Variants in MGAT4C observed in about 807,000 individuals in gnomAD.
The protein encoded by MGAT4C is MGAT4 family member C, also known as alpha-1,3-mannosyl-glycoprotein 4-beta-N-acetylglucosaminyltransferase C.
A neutral mutation model predicts 40.1 loss-of-function variants in MGAT4C; 19 were observed. That is an observed-to-expected ratio of 0.47 (90% confidence interval 0.33 to 0.70). The LOEUF is 0.70. Among genes scored for constraint, MGAT4C ranks in the 30% least tolerant of loss-of-function variants. The pLI, the probability that MGAT4C is intolerant of heterozygous loss-of-function variation, is 0.02. For missense variants in MGAT4C, 491 were observed against 563.2 expected (o/e 0.87, Z 1.30); for synonymous variants, 181 against 187.1 (o/e 0.97, Z 0.27).
At chr12:86,398,292 C>T (rs937326751) in intron 3 of MGAT4C, among the ~76,000 whole-genome samples, 1 of 152,154 alleles carries the variant, frequency 6.6e-6, no homozygotes, top group Non-Finnish European at 1.5e-5. Context: ...GTAGCCACAT[C>T]ACTTCAATCT....
intron 1 of MGAT4C, among the ~76,000 whole-genome samples, chr12:86,110,135 A>T (rs116211695): frequency 0.017 from 2,548 of 149,870 alleles, 75 homozygotes; most frequent in African/African-American, 0.059. Flanking sequence ...AGGTAAAGCT[A>T]GATCAAGCAA....
At chr12:86,446,303 A>G (rs1156704018) in intron 2 of MGAT4C, among the ~76,000 whole-genome samples, 1 of 152,064 alleles carries the variant, frequency 6.6e-6, no homozygotes, top group Non-Finnish European at 1.5e-5. Flanking sequence ...AGTCATTTGA[A>G]TAATTACTCA....
chr12:86,622,311 T>C (rs1296549349), intron 2 of MGAT4C, among the ~76,000 whole-genome samples: 1 of 152,050 alleles, frequency 6.6e-6, no homozygotes, highest in Non-Finnish European at 1.5e-5. Context: ...CTAGTGATGA[T>C]AAGCCTGTAT....
intron 1 of MGAT4C, among the ~76,000 whole-genome samples, chr12:86,087,385 T>G (rs1488825947): frequency 3.3e-5 from 5 of 152,128 alleles, no homozygotes; most frequent in African/African-American, 1.2e-4. Context: ...GTTCAATACA[T>G]TCTAATGCTT....
At chr12:86,352,670 T>C (rs532354337) in intron 3 of MGAT4C, among the ~76,000 whole-genome samples, 1 of 152,270 alleles carries the variant, frequency 6.6e-6, no homozygotes, top group East Asian at 1.9e-4. Context: ...AGTTGCATTT[T>C]TTGGTCTGCT....
At chr12:86,478,867 T>A (rs1352101741) in intron 2 of MGAT4C, among the ~76,000 whole-genome samples, 1 of 152,098 alleles carries the variant, frequency 6.6e-6, no homozygotes, top group Non-Finnish European at 1.5e-5. Flanking sequence ...TGAAAAAGAA[T>A]AAAACCCAGA....
intron 1 of MGAT4C, among the ~76,000 whole-genome samples, chr12:86,101,305 A>C (rs563471657): frequency 6.6e-6 from 1 of 151,886 alleles, no homozygotes; most frequent in South Asian, 2.1e-4. Flanking sequence ...TTCATAATTT[A>C]CTGTGACACT....
chr12:86,509,759 C>T (rs1236655297), intron 2 of MGAT4C, among the ~76,000 whole-genome samples: 1 of 152,110 alleles, frequency 6.6e-6, no homozygotes, highest in Non-Finnish European at 1.5e-5. Context: ...TGTAGTTCTC[C>T]TTGAAGAGGT....
intron 1 of MGAT4C, among the ~76,000 whole-genome samples, chr12:86,803,503 C>A (rs1256470157): frequency 6.6e-6 from 1 of 151,972 alleles, no homozygotes; most frequent in Non-Finnish European, 1.5e-5. Flanking sequence ...AGAAAATTTT[C>A]CCAACCTACT....
upstream of MGAT4C, among the ~76,000 whole-genome samples, chr12:86,259,955 GA>G (rs1199690909): frequency 1.5e-4 from 2 of 13,748 alleles, no homozygotes; most frequent in African/African-American, 4.6e-4. Context: ...TGTAATTCAA[GA>G]AAAAAATTTG....
intron 2 of MGAT4C, among the ~76,000 whole-genome samples, chr12:86,628,414 C>T (rs1039667611): frequency 2.0e-5 from 3 of 151,966 alleles, no homozygotes; most frequent in Admixed American, 6.6e-5. Context: ...AGATACTCCT[C>T]GAGAAGAGCA....
intron 2 of MGAT4C, among the ~76,000 whole-genome samples, chr12:86,553,108 G>A (rs1000238371): frequency 1.6e-4 from 24 of 151,842 alleles, no homozygotes; most frequent in Admixed American, 1.5e-3. Context: ...CTTGTGTACC[G>A]GCACATAATT....
At chr12:86,821,574 T>C (rs1042133719) in intron 1 of MGAT4C, among the ~76,000 whole-genome samples, 1 of 150,976 alleles carries the variant, frequency 6.6e-6, no homozygotes, top group African/African-American at 2.4e-5. Context: ...ACTTATCATA[T>C]AGTGCTACCA....
chr12:86,204,421 A>G (rs886583746), intron 1 of MGAT4C, among the ~76,000 whole-genome samples: 6 of 152,176 alleles, frequency 3.9e-5, no homozygotes, highest in Admixed American at 1.3e-4. Context: ...AAAGAAGCTT[A>G]TAGAGATAAA....
chr12:86,699,003 G>A (rs568684826), intron 2 of MGAT4C, among the ~76,000 whole-genome samples: 1 of 152,138 alleles, frequency 6.6e-6, no homozygotes, highest in East Asian at 1.9e-4. Flanking sequence ...GAGCAACAAG[G>A]CATATTCTTC....
chr12:86,178,127 A>G (rs56190288), intron 1 of MGAT4C, among the ~76,000 whole-genome samples: 12,584 of 152,084 alleles, frequency 0.083, 629 homozygotes, highest in Middle Eastern at 0.21. Flanking sequence ...TGGTAGAGAC[A>G]GGGTTTCACC....
chr12:86,114,842 T>C (rs1878109406), intron 1 of MGAT4C, among the ~76,000 whole-genome samples: 1 of 151,902 alleles, frequency 6.6e-6, no homozygotes, highest in Admixed American at 6.6e-5. Flanking sequence ...GATGTTAAAA[T>C]CTATTACCTA....
At chr12:85,987,732 A>G (rs1885419080) in intron 3 of MGAT4C, among the ~76,000 whole-genome samples, 2 of 152,224 alleles carry the variant, frequency 1.3e-5, no homozygotes, top group Admixed American at 6.5e-5. Context: ...TTCAAAAGAC[A>G]TAAGGGCGTT....
chr12:86,408,479 C>CTCTATATATATATATA (rs1267344319), intron 3 of MGAT4C, among the ~76,000 whole-genome samples: 3 of 63,344 alleles, frequency 4.7e-5, no homozygotes, highest in African/African-American at 2.3e-4. Flanking sequence ...CTCTCTCTCT[C>CTCTATATATATATATA]TATATATATA....
Sources: allele counts gnomAD v4.1 joint callset (sites outside exome capture counted in the v4.1 genomes callset), GRCh38; gene constraint gnomAD v4.1.1; transcripts MANE v1.5; gene names NCBI Gene and HGNC (gene_info 2026-07-23, HGNC 2026-07-21).